Variants in DPYD observed in about 807,000 individuals in gnomAD.
The protein encoded by DPYD is dihydropyrimidine dehydrogenase, also known as dihydropyrimidine dehydrogenase [NADP(+)].
Under a neutral mutation model 116.2 loss-of-function variants are expected in DPYD, and 109 were observed. That is an observed-to-expected ratio of 0.94 (90% CI 0.80 to 1.10). DPYD has a LOEUF of 1.10. Among genes scored for constraint, DPYD ranks in the 50% least tolerant of loss-of-function variants. The pLI, the probability that DPYD is intolerant of heterozygous loss-of-function variation, is 0.00. For missense variants in DPYD, 1,302 were observed against 1,254.5 expected, an observed-to-expected ratio of 1.04 and a Z score of -0.57; for synonymous variants, 440 against 432.0, an observed-to-expected ratio of 1.02 and a Z score of -0.23.
intron 18 of DPYD, among the ~76,000 whole-genome samples, chr1:97,263,158 C>T (rs1310896634): frequency 6.6e-6 from 1 of 152,060 alleles, no homozygotes; most frequent in African/African-American, 2.4e-5. Context: ...TGATCCTTTT[C>T]CTAATACTCA....
chr1:97,110,603 A>C (rs554284889), intron 20 of DPYD, among the ~76,000 whole-genome samples: 1 of 152,112 alleles, frequency 6.6e-6, no homozygotes, highest in African/African-American at 2.4e-5. Context: ...CTGTGACCCT[A>C]CAGCCACTTT....
chr1:97,831,841 G>A (rs890475313), intron 2 of DPYD, among the ~76,000 whole-genome samples: 1 of 151,936 alleles, frequency 6.6e-6, no homozygotes, highest in African/African-American at 2.4e-5. Context: ...ACGCAGGCCT[G>A]CTAGCCTAGA....
At chr1:97,419,224 T>G (rs1674446220) in intron 14 of DPYD, among the ~76,000 whole-genome samples, 1 of 152,180 alleles carries the variant, frequency 6.6e-6, no homozygotes, top group Non-Finnish European at 1.5e-5. Context: ...TACAGTTGCT[T>G]AAGTGATAAC....
chr1:97,169,234 AT>A (rs1490391675), intron 20 of DPYD, among the ~76,000 whole-genome samples: 1 of 152,166 alleles, frequency 6.6e-6, no homozygotes, highest in East Asian at 1.9e-4. Flanking sequence ...TGTGTTACCT[AT>A]AAACATTTTA....
At chr1:97,292,298 A>T (rs184537235) in intron 18 of DPYD, among the ~76,000 whole-genome samples, 1 of 152,290 alleles carries the variant, frequency 6.6e-6, no homozygotes, top group Non-Finnish European at 1.5e-5. Flanking sequence ...AAGAGATTTA[A>T]TTCACTCACA....
rs148333007 is a variant in DPYD at position 97,310,024 on chromosome 1, G to T, written c.2059-3727C>A. On this transcript the variant is annotated intron_variant, in intron 16 of 22. Transcript: ENST00000370192. ...CAAAGGAATAAGCACTACAGAATGAGACTGAGAATTTCCTGATAAGCTAAA... is the reference window on the plus strand; with the variant it reads ...CAAAGGAATAAGCACTACAGAATGATACTGAGAATTTCCTGATAAGCTAAA... Among the ~76,000 whole-genome samples, 13 of 151,786 alleles carry T rather than the reference G, an allele frequency of 8.6e-5. No individual in the cohort carries two copies. The East Asian group carries it at 2.2e-3, about 25-fold the overall frequency.
chr1:97,881,766 A>G (rs947303647), intron 2 of DPYD, among the ~76,000 whole-genome samples: 4 of 151,936 alleles, frequency 2.6e-5, no homozygotes, highest in African/African-American at 9.7e-5. Flanking sequence ...TCTCTTGATC[A>G]TAGTTCTCAG....
At chr1:97,156,753 C>G (rs992508303) in intron 20 of DPYD, among the ~76,000 whole-genome samples, 2 of 151,850 alleles carry the variant, frequency 1.3e-5, no homozygotes, top group Non-Finnish European at 2.9e-5. Flanking sequence ...TTGACCCAGC[C>G]ATCCCATTAC....
chr1:97,415,363 T>C (rs1383592031), intron 14 of DPYD, among the ~76,000 whole-genome samples: 5 of 152,302 alleles, frequency 3.3e-5, no homozygotes, highest in African/African-American at 1.2e-4. Context: ...AGACTCACAC[T>C]GTCACCCAGG....
chr1:97,811,785 A>G (rs922432635), intron 3 of DPYD, among the ~76,000 whole-genome samples: 1 of 152,160 alleles, frequency 6.6e-6, no homozygotes, highest in Non-Finnish European at 1.5e-5. Context: ...TGTATATGAT[A>G]GTGCACTGTA....
intron 3 of DPYD, among the ~76,000 whole-genome samples, chr1:97,818,601 T>A (rs1398128064): frequency 6.6e-6 from 1 of 152,020 alleles, no homozygotes; most frequent in Non-Finnish European, 1.5e-5. Flanking sequence ...CTAATATAAT[T>A]GTTTTCTTCT....
At chr1:97,173,408 G>C (rs911515544) in intron 20 of DPYD, among the ~76,000 whole-genome samples, 1 of 146,786 alleles carries the variant, frequency 6.8e-6, no homozygotes, top group East Asian at 2.1e-4. Context: ...GTGTATATAC[G>C]TACGTACATA....
chr1:97,682,570 G>C (rs566327647), intron 7 of DPYD, among the ~76,000 whole-genome samples: 1 of 151,998 alleles, frequency 6.6e-6, no homozygotes, highest in Non-Finnish European at 1.5e-5. Context: ...ATTATGCTTT[G>C]GGAAATTGAA....
chr1:97,252,016 A>G (rs1341446964), intron 18 of DPYD, among the ~76,000 whole-genome samples: 1 of 150,126 alleles, frequency 6.7e-6, no homozygotes, highest in African/African-American at 2.4e-5. Flanking sequence ...CCAAAACGAG[A>G]GAGGAGTCAC....
At chr1:97,383,604 A>G (rs1672118919) in intron 14 of DPYD, among the ~76,000 whole-genome samples, 1 of 152,140 alleles carries the variant, frequency 6.6e-6, no homozygotes, top group South Asian at 2.1e-4. Flanking sequence ...TTATTTAATC[A>G]TTCCCAATGT....
chr1:97,435,728 ATATC>A (rs1430241852), intron 14 of DPYD, among the ~76,000 whole-genome samples: 7 of 151,962 alleles, frequency 4.6e-5, no homozygotes, highest in African/African-American at 1.7e-4. Context: ...TTTCAAGTAA[ATATC>A]TTAGAAGACC....
intron 2 of DPYD, among the ~76,000 whole-genome samples, chr1:97,878,790 A>T (rs185861520): frequency 1.3e-5 from 2 of 151,970 alleles, no homozygotes; most frequent in African/African-American, 4.8e-5. Flanking sequence ...TTCCTTCAAA[A>T]GAGTATTATT....
At chr1:97,811,894 T>TA (rs11445699) in intron 3 of DPYD, among the ~76,000 whole-genome samples, 123,997 of 151,928 alleles carry the variant, frequency 0.82, 50,852 homozygotes, top group East Asian at 0.98. Flanking sequence ...TTTAAAACTA[T>TA]AAAAAAGTGA....
chr1:97,655,254 T>A (rs1464175121), intron 8 of DPYD, among the ~76,000 whole-genome samples: 1 of 152,178 alleles, frequency 6.6e-6, no homozygotes, highest in Non-Finnish European at 1.5e-5. Context: ...ATGAACAAAA[T>A]CCTCTGGGAT....
Sources: gnomAD v4.1 joint callset for allele counts (sites outside exome capture counted in the v4.1 genomes callset) on GRCh38, gnomAD v4.1.1 for gene constraint, MANE v1.5 for transcripts, NCBI Gene and HGNC (gene_info 2026-07-23, HGNC 2026-07-21) for gene names.